The following TRPM8 variants were observed in gnomAD, a reference collection of about 807,000 sequenced individuals.
TRPM8 encodes the protein transient receptor potential cation channel subfamily M member 8.
In TRPM8, 110 loss-of-function variants were observed where a neutral mutation model predicts 133.7. That is an observed-to-expected ratio of 0.82 (90% CI 0.70 to 0.96). The LOEUF is 0.96. TRPM8 is among the 40% of genes least tolerant of loss of function. The probability of loss-of-function intolerance (pLI) is 0.00; values close to 1 mark genes in which losing one functional copy is unlikely to be tolerated. For synonymous variants in TRPM8, 535 were observed against 532.3 expected, an observed-to-expected ratio of 1.01 and a Z score of -0.07; for missense variants, 1,291 against 1,379.5, an observed-to-expected ratio of 0.94 and a Z score of 1.02.
At chr2:233,924,148 C>T (rs1033041994) in intron 1 of TRPM8, among the ~76,000 whole-genome samples, 8 of 152,318 alleles carry the variant, frequency 5.3e-5, no homozygotes, top group African/African-American at 1.9e-4. Context: ...GGGACCTTCT[C>T]CTGACACTGA....
chr2:234,010,309 T>C (rs183152316), intron 24 of TRPM8, among the ~76,000 whole-genome samples: 11 of 152,342 alleles, frequency 7.2e-5, no homozygotes, highest in Admixed American at 6.5e-4. Flanking sequence ...AATGGCAGCA[T>C]TTCTTTCCCC....
intron 25 of TRPM8, among the ~76,000 whole-genome samples, chr2:234,015,471 A>G (rs1692936387): frequency 6.6e-6 from 1 of 151,990 alleles, no homozygotes; most frequent in African/African-American, 2.4e-5. Flanking sequence ...GTACCTGCTC[A>G]GTGCTCAGAA....
intron 17 of TRPM8, among the ~76,000 whole-genome samples, chr2:233,971,200 TAC>T (rs1473004846): frequency 1.3e-5 from 2 of 152,174 alleles, no homozygotes; most frequent in Non-Finnish European, 2.9e-5. Flanking sequence ...GCTAGGCACT[TAC>T]AGTTTCCGAG....
intron 14 of TRPM8, among the ~76,000 whole-genome samples, chr2:233,965,469 A>C (rs1691544365): frequency 6.6e-6 from 1 of 152,212 alleles, no homozygotes; most frequent in Admixed American, 6.5e-5. Context: ...CTTTGCACAG[A>C]GGCCTCGATC....
chr2:233,960,894 C>T lies in TRPM8; in HGVS notation c.1481C>T (p.Thr494Ile), dbSNP rs200065004. ...AAGTTTCTCACCCATGATGTCCTCA[C>T]TGAACTCTTCTCCAACCACTTCAGC... is the stretch of plus-strand genomic sequence containing the variant. ...LRKFLTHDVL[T>I]ELFSNHFSTL... is the part of the protein sequence containing the mutation. The change falls in exon 12 of 26, where the codon ACT (threonine) becomes ATT (isoleucine). Residue 494 changes from threonine (T) to isoleucine (I), a missense_variant. Thr to Ile is a moderately conservative substitution (Grantham distance 89). This residue lies in a region of TRPM8 where 963 missense variants were observed against 968.9 expected (regional missense o/e 0.99). Transcript: ENST00000324695. 1.8e-5 allele frequency: 29 copies of T among 1,614,082 alleles called. No individual in the cohort carries two copies. Among genetic ancestry groups the T allele is most frequent in the East Asian group, 1.3e-4 (6 of 44,888 alleles).
rs746990788 is a variant in TRPM8, at chr2:233,939,029, A to G, written c.380A>G (p.Glu127Gly). Residue 127 changes from glutamate (E) to glycine (G), a missense_variant, in exon 5 of 26, where the codon GAA (glutamate) becomes GGA (glycine). By Grantham distance (98) the Glu-to-Gly change is moderately conservative. Coordinates refer to ENST00000324695, the MANE Select transcript of TRPM8 (RefSeq NM_024080.5). Reference sequence around the variant, plus strand: ...CGTCTGTCCTGCGACACGGACGCGGAAATCCTTTACGAGCTGCTGACCCAG... The same window carrying G: ...CGTCTGTCCTGCGACACGGACGCGGGAATCCTTTACGAGCTGCTGACCCAG... ...YIRLSCDTDA[E>G]ILYELLTQHW... is the part of the protein sequence containing the mutation. 6.2e-6 allele frequency: 10 copies of G among 1,614,090 alleles called. No homozygotes were observed. The highest frequency in any genetic ancestry group is 8.5e-6 in the Non-Finnish European group (10 of 1,180,056).
chr2:233,987,934 C>T (rs1488978891), intron 21 of TRPM8, among the ~76,000 whole-genome samples: 1 of 151,910 alleles, frequency 6.6e-6, no homozygotes, highest in Non-Finnish European at 1.5e-5. Context: ...GATTGTGAGG[C>T]CTCCCCAGCC....
intron 21 of TRPM8, among the ~76,000 whole-genome samples, chr2:233,986,266 C>T (rs1292634638): frequency 6.6e-6 from 1 of 152,220 alleles, no homozygotes; most frequent in Non-Finnish European, 1.5e-5. Flanking sequence ...AGGACTCAGA[C>T]TTTAGTTAAT....
rs1330596883 is a variant in TRPM8, at chr2:233,989,901, G to A, written c.2939+4036G>A. 6.6e-6 allele frequency among the ~76,000 whole-genome samples: 1 copy of A among 152,196 alleles called. No homozygotes were observed. Among genetic ancestry groups the A allele is most frequent in the Non-Finnish European group, 1.5e-5 (1 of 68,030 alleles). ...GAGCTAGGGCATTTATAAGCATTGTGCCCTGAAGATAAGTTCACCCCAGGC... is the reference window on the plus strand; with the variant it reads ...GAGCTAGGGCATTTATAAGCATTGTACCCTGAAGATAAGTTCACCCCAGGC... On this transcript the variant is annotated intron_variant, in intron 21 of 25. Transcript: ENST00000324695. This position sits in a 1 kb window ranked among gnomAD's most constrained non-coding sequence, Gnocchi z 4.2.
intron 22 of TRPM8, among the ~76,000 whole-genome samples, chr2:233,997,717 C>A (rs550032045): frequency 6.6e-6 from 1 of 152,162 alleles, no homozygotes; most frequent in Admixed American, 6.5e-5. Flanking sequence ...ACACTCCACA[C>A]ACTAATGTCT....
chr2:233,988,927 C>T (rs1559543575), intron 21 of TRPM8, among the ~76,000 whole-genome samples: 5 of 152,184 alleles, frequency 3.3e-5, no homozygotes, highest in South Asian at 2.1e-4. Context: ...AAGGCGAGGG[C>T]GAAGTGGGAT....
At chr2:234,000,644 G>T (rs1303169629) in intron 22 of TRPM8, among the ~76,000 whole-genome samples, 2 of 151,626 alleles carry the variant, frequency 1.3e-5, no homozygotes, top group Admixed American at 6.6e-5. Context: ...TGTGACATAG[G>T]AGCCTTCATA....
intron 17 of TRPM8, among the ~76,000 whole-genome samples, chr2:233,973,114 C>T (rs936534136): frequency 1.3e-5 from 2 of 152,234 alleles, no homozygotes; most frequent in South Asian, 2.1e-4. Flanking sequence ...TGCCCCAGGA[C>T]GGGGCCCTGC....
chr2:233,976,460 C>T (rs563416718), intron 17 of TRPM8, among the ~76,000 whole-genome samples: 118 of 152,138 alleles, frequency 7.8e-4, no homozygotes, highest in Middle Eastern at 3.4e-3. Flanking sequence ...AGGGCAGGGA[C>T]ATGGGGTGGG....
intron 24 of TRPM8, chr2:234,013,462 A>G (rs924374449): frequency 2.0e-5 from 3 of 152,106 alleles, no homozygotes; most frequent in Middle Eastern, 3.4e-3. Flanking sequence ...TTTCATTTCT[A>G]TGCCCTCTGT....
intron 22 of TRPM8, among the ~76,000 whole-genome samples, chr2:234,001,047 C>T (rs1467608232): frequency 1.3e-5 from 2 of 152,172 alleles, no homozygotes; most frequent in African/African-American, 4.8e-5. Flanking sequence ...ATAGGGCAAA[C>T]AGAGTATGAT....
At chr2:233,945,481 A>G (rs1177774261) in intron 6 of TRPM8, among the ~76,000 whole-genome samples, 2 of 152,196 alleles carry the variant, frequency 1.3e-5, no homozygotes, top group African/African-American at 4.8e-5. Flanking sequence ...GTATCCAGAC[A>G]CACACAAATA....
chr2:233,937,713 G>C (rs1438053347), intron 4 of TRPM8, among the ~76,000 whole-genome samples: 1 of 152,178 alleles, frequency 6.6e-6, no homozygotes, highest in Non-Finnish European at 1.5e-5. Flanking sequence ...AACAGGTTAA[G>C]GACTGGATTA....
rs567693884 is a variant in TRPM8 at position 233,935,906 on chromosome 2, G to T, written c.192-1447G>T. 5.9e-5 allele frequency among the ~76,000 whole-genome samples: 9 copies of T among 152,324 alleles called. No homozygotes were observed. The South Asian group carries it at 1.9e-3, about 32-fold the overall frequency. On this transcript the variant is annotated intron_variant, in intron 3 of 25. Coordinates refer to ENST00000324695, the MANE Select transcript of TRPM8 (RefSeq NM_024080.5). ...AGACCACATCTCTCAGGATGCCCTG[G>T]ATAGAGAGGTCAAATAGTCATAGAA...
Sources: gnomAD v4.1 joint callset for allele counts (sites outside exome capture counted in the v4.1 genomes callset) on GRCh38, gnomAD v4.1.1 for gene constraint, gnomAD v4.1.1 regional missense constraint, Gnocchi (gnomAD v3.1) non-coding constraint, MANE v1.5 for transcripts, NCBI Gene and HGNC (gene_info 2026-07-23, HGNC 2026-07-21) for gene names.